The following XRCC3 variants were observed in gnomAD, a reference collection of about 807,000 sequenced individuals.
XRCC3 encodes X-ray repair cross complementing 3.
Under a neutral mutation model 29.2 loss-of-function variants are expected in XRCC3, and 34 were observed. That is an observed-to-expected ratio of 1.16 (90% confidence interval 0.88 to 1.55). The LOEUF is 1.55. Ranked by LOEUF, XRCC3 falls within the 40% of genes most tolerant of loss-of-function variation. The pLI is 0.00. For synonymous variants in XRCC3, 223 were observed against 211.3 expected (o/e 1.06, Z -0.48); for missense variants, 463 against 467.6 (o/e 0.99, Z 0.09).
chr14:103,714,058 G>C (rs541179216), intron 1 of XRCC3: 1 of 152,112 alleles, frequency 6.6e-6, no homozygotes, highest in African/African-American at 2.4e-5. Flanking sequence ...CCAGGGGCCC[G>C]CTCCATCCCA....
Position 103,703,293 on chromosome 14 carries a change from C to A in XRCC3, c.441G>T (p.Pro147=), listed in dbSNP as rs138987760. 5 of 1,555,910 alleles carry A rather than the reference C, an allele frequency of 3.2e-6. No homozygotes were observed. Among genetic ancestry groups the A allele is most frequent in the Non-Finnish European group, 4.3e-6 (5 of 1,152,766 alleles). The change falls in exon 7 of 10, where the codon CCG becomes CCT. Residue 147 remains proline, a synonymous_variant. Transcript: ENST00000555055. ...AVYICTEDAF[P]HKRLQQLMAQ... ...CCATGAGCTGCTGCAGGCGCTTGTG[C>A]GGGAAGGCGTCTTCCGTGCAGATGT... is the stretch of plus-strand genomic sequence containing the variant.
At chr14:103,701,010 C>T (rs1406794102) in intron 7 of XRCC3, among the ~76,000 whole-genome samples, 1 of 152,216 alleles carries the variant, frequency 6.6e-6, no homozygotes, top group African/African-American at 2.4e-5. Context: ...TTTGGTGCTC[C>T]AGGGAGCAGA....
At chr14:103,706,541 G>A (rs572452708) in intron 6 of XRCC3, 3 of 391,286 alleles carry the variant, frequency 7.7e-6, no homozygotes, top group South Asian at 5.7e-5. Context: ...TGCTCTGAAC[G>A]CTTTAGTCCA....
intron 7 of XRCC3, 65 bp from the exon 8 acceptor site, chr14:103,699,641 G>T: frequency 2.6e-6 from 4 of 1,536,252 alleles, no homozygotes; most frequent in Non-Finnish European, 3.6e-6. Context: ...ACCAGACCCC[G>T]TTTGGACTGT....
At position 103,707,056 on chromosome 14, in the gene XRCC3, A is replaced by T; in HGVS notation, c.353T>A (p.Leu118Gln). Residue 118 changes from leucine (L) to glutamine (Q), a missense_variant, in exon 6 of 10, where the codon CTG (leucine) becomes CAG (glutamine). By Grantham distance (113) the Leu-to-Gln change is moderately radical. Coordinates refer to ENST00000555055, the MANE Select transcript of XRCC3 (RefSeq NM_005432.4). ...RSSAGKTQLA[L>Q]QLCLAVQFPR... The stretch of plus-strand genomic sequence containing the variant: ...GAACTGCACAGCCAGGCAGAGCTGC[A>T]GCGCCAGCTGGGTCTTCCCTGCCGA... The T allele has an allele frequency of 6.4e-7, 1 of 1,565,078 alleles. No individual in the cohort carries two copies. The highest frequency in any genetic ancestry group is 1.9e-5 in the Admixed American group (1 of 53,918).
rs547598108 is a variant in XRCC3 at position 103,710,045 on chromosome 14, G to A, written c.55+988C>T. On this transcript the variant is annotated intron_variant, in intron 4 of 9. Transcript: ENST00000555055. The stretch of plus-strand genomic sequence containing the variant: ...TCACGTAGCTGAGGCCCGGGGAGAC[G>A]GGGGAGGATGGAAGCTGGCAGGAGG... 3.9e-5 allele frequency: 6 copies of A among 152,490 alleles called. No individual in the cohort carries two copies. The East Asian group carries it at 9.6e-4, about 24-fold the overall frequency. 9.4% of individuals were successfully genotyped at this position (152,490 alleles called of 1,614,324 possible). A position where few individuals can be genotyped will look rare whatever the true frequency, so the allele number is the denominator to read the frequency against.
In XRCC3 at chr14:103,699,579, G is replaced by T; in HGVS notation, c.562-3C>A. 3 of 1,613,144 alleles carry T rather than the reference G, an allele frequency of 1.9e-6. No individual in the cohort carries two copies. The highest frequency in any genetic ancestry group is 2.5e-6 in the Non-Finnish European group (3 of 1,179,848). On this transcript the variant is annotated splice_polypyrimidine_tract_variant and splice_region_variant and intron_variant, in intron 7 of 9. Coordinates refer to ENST00000555055, the MANE Select transcript of XRCC3 (RefSeq NM_005432.4). ...TTCACACACTCCAACAAGGTGTCCTGTGGGGACAGCTGTCATTGTCTATGC... is the reference window on the plus strand; with the variant it reads ...TTCACACACTCCAACAAGGTGTCCTTTGGGGACAGCTGTCATTGTCTATGC...
At position 103,710,863 on chromosome 14, in the gene XRCC3, C is replaced by CAA; in HGVS notation, c.55+169_55+170insTT. On this transcript the variant is annotated intron_variant, in intron 4 of 9. Transcript: ENST00000555055. ...ATCCATGTAGTTAAGAACACACACA[C>CAA]ACACACACACACACACACACCTGAA... is the stretch of plus-strand genomic sequence containing the variant. 3 of 652,068 alleles carry CAA rather than the reference C, an allele frequency of 4.6e-6. No individual in the cohort carries two copies. In the South Asian group the frequency reaches 5.4e-5, roughly 12 times the overall value. The allele number at this position is 652,068 out of a possible 1,614,324, so 40.4% of individuals were successfully genotyped here. A position where few individuals can be genotyped will look rare whatever the true frequency, so the allele number is the denominator to read the frequency against.
intron 7 of XRCC3, chr14:103,699,885 C>T (rs1391376285): frequency 4.6e-6 from 2 of 432,844 alleles, no homozygotes; most frequent in African/African-American, 2.0e-5. Context: ...TGCGCAGGCT[C>T]CTGAGTCCTT....
intron 7 of XRCC3, 197 bp from the exon 8 acceptor site, chr14:103,699,773 AG>A (rs2082974732): frequency 4.8e-6 from 3 of 626,346 alleles, no homozygotes; most frequent in South Asian, 1.8e-5. Context: ...TAGAAGCTTC[AG>A]GCTCACACAA....
Position 103,699,008 on chromosome 14 carries a change from G to A in XRCC3, c.831C>T (p.Asp277=), listed in dbSNP as rs547969139. 53 of 1,588,334 alleles carry A rather than the reference G, an allele frequency of 3.3e-5. No homozygotes were observed. Among genetic ancestry groups the A allele is most frequent in the African/African-American group, 9.4e-5 (7 of 74,288 alleles). The part of the protein sequence containing the change: ...GAAHGPLGFW[D]ERVSPALGIT... ...TGCCAAGGGCTGGGGAAACACGTTC[G>A]TCCCAGAACCTGAGAAACAGGAAGC... The change falls in exon 10 of 10, where the codon GAC becomes GAT. Residue 277 remains aspartate, a synonymous_variant. Transcript: ENST00000555055.
intron 1 of XRCC3, among the ~76,000 whole-genome samples, chr14:103,715,201 C>T (rs1001896328): frequency 6.6e-6 from 1 of 152,042 alleles, no homozygotes; most frequent in African/African-American, 2.4e-5. Flanking sequence ...GCGGCCCGGC[C>T]CCGGCGAGGT....
intron 7 of XRCC3, chr14:103,700,345 C>A (rs1165110813): frequency 2.9e-6 from 1 of 339,046 alleles, no homozygotes; most frequent in African/African-American, 2.2e-5. Context: ...CCTCGGCCTC[C>A]CTCTGGGTGC....
intron 4 of XRCC3, chr14:103,709,441 C>T (rs1010186617): frequency 2.6e-5 from 4 of 154,920 alleles, no homozygotes; most frequent in South Asian, 2.0e-4. Flanking sequence ...CGGGGACTTA[C>T]ACCCACCACA....
chr14:103,698,831 C>T lies in XRCC3; in HGVS notation c.1008G>A (p.Gly336=). ...SSCSYTISAE[G]VRGTPGTQSH is the part of the protein sequence containing the mutation. ...ACTGGGTCCCAGGTGTCCCTCGCACCCCTTCGGCACTGATCGTGTAGGAAC... is the reference window on the plus strand; with the variant it reads ...ACTGGGTCCCAGGTGTCCCTCGCACTCCTTCGGCACTGATCGTGTAGGAAC... Residue 336 remains glycine (G), a synonymous_variant, in exon 10 of 10, where the codon GGG becomes GGA. Coordinates refer to ENST00000555055, the MANE Select transcript of XRCC3 (RefSeq NM_005432.4). 1 of 1,605,896 alleles carries T rather than the reference C, an allele frequency of 6.2e-7. No individual in the cohort carries two copies. Among genetic ancestry groups the T allele is most frequent in the Non-Finnish European group, 8.5e-7 (1 of 1,176,928 alleles).
At chr14:103,703,763 C>T in intron 6 of XRCC3, 2 of 273,028 alleles carry the variant, frequency 7.3e-6, no homozygotes, top group Non-Finnish European at 7.3e-6. Flanking sequence ...AAGGCCCCCA[C>T]TGAGCAAGCG....
chr14:103,706,072 G>GCAGA, intron 6 of XRCC3: 1 of 325,572 alleles, frequency 3.1e-6, no homozygotes, highest in South Asian at 2.4e-5. Flanking sequence ...TGTGGCGTGA[G>GCAGA]CAGACCCCAG....
At chr14:103,699,049 C>T (rs765373047) in intron 9 of XRCC3, 32 bp from the exon 10 acceptor site, 11 of 1,567,230 alleles carry the variant, frequency 7.0e-6, no homozygotes, top group South Asian at 7.0e-5. Flanking sequence ...AGCTGGCGCT[C>T]AGGCTTGGTG....
chr14:103,703,509 C>T lies in XRCC3; in HGVS notation c.407-182G>A, dbSNP rs972136667. On this transcript the variant is annotated intron_variant, in intron 6 of 9. Coordinates refer to ENST00000555055, the MANE Select transcript of XRCC3 (RefSeq NM_005432.4). ...TCACCCTCCCACTGGCAGCCACCTC[C>T]GGGGCCAGGTGACCCCTCAGGAGGA... 1.2e-4 allele frequency: 85 copies of T among 705,152 alleles called. No individual in the cohort carries two copies. In the East Asian group the frequency reaches 1.8e-3, roughly 15 times the overall value. The allele number at this position is 705,152 out of a possible 1,614,324, so 43.7% of individuals were successfully genotyped here.
Sources: allele counts gnomAD v4.1 joint callset (sites outside exome capture counted in the v4.1 genomes callset), GRCh38; gene constraint gnomAD v4.1.1; transcripts MANE v1.5; gene names NCBI Gene and HGNC (gene_info 2026-07-23, HGNC 2026-07-21).